The following TNS3 variants were observed in gnomAD, a reference collection of about 807,000 sequenced individuals.
TNS3 encodes the protein tensin 3.
In TNS3, 45 loss-of-function variants were observed where a neutral mutation model predicts 140.9. The observed-to-expected ratio is 0.32, with a 90% CI of 0.25 to 0.41. The LOEUF is 0.41. TNS3 is among the 10% of genes least tolerant of loss of function. The pLI is 1.00. For synonymous variants in TNS3, 815 were observed against 788.4 expected, an observed-to-expected ratio of 1.03 and a Z score of -0.56; for missense variants, 1,716 against 1,906.7, an observed-to-expected ratio of 0.90 and a Z score of 1.86.
rs142706530 is a variant in TNS3, at chr7:47,439,481, G to T, written c.150+6C>A. 6.2e-7 allele frequency: 1 copy of T among 1,613,068 alleles called. No individual in the cohort carries two copies. Among genetic ancestry groups the T allele is most frequent in the Admixed American group, 1.7e-5 (1 of 59,938 alleles). ...CCAAAGGCTCCCAGAGCCGCCCACC[G>T]CTCACCAGGTAGTTGTCCCCGTGCT... On this transcript the variant is annotated splice_donor_region_variant and intron_variant, in intron 6 of 30. Transcript: ENST00000311160.
At position 47,429,469 on chromosome 7, in the gene TNS3, G is replaced by A. The variant is rs111629466; in HGVS notation, c.325-1093C>T. Among the ~76,000 whole-genome samples the A allele has an allele frequency of 9.5e-3, 1,453 of 152,152 alleles. 11 individuals carry two copies. The highest frequency in any genetic ancestry group is 0.016 in the Non-Finnish European group (1,067 of 68,006). ...TGTAAGCTCCGCCTCCCGGGTTCAC[G>A]CCATTCTCCTGCCTCAGCCTCCCAA... is the stretch of plus-strand genomic sequence containing the variant. On this transcript the variant is annotated intron_variant, in intron 8 of 30. Transcript: ENST00000311160.
At position 47,277,782 on chromosome 7, in the gene TNS3, G is replaced by C. The variant is rs1338785786; in HGVS notation, c.*294C>G. ...ACCTCGTGTTCTGTGCTGTTTCCTT[G>C]CATGTCCCTTTCCCATGGGGACCCT... On this transcript the variant is annotated 3_prime_UTR_variant, in exon 31 of 31. Coordinates refer to ENST00000311160, the MANE Select transcript of TNS3 (RefSeq NM_022748.12). 2 of 458,842 alleles carry C rather than the reference G, an allele frequency of 4.4e-6. No individual in the cohort carries two copies. The highest frequency in any genetic ancestry group is 2.0e-5 in the South Asian group (1 of 49,670). The allele number at this position is 458,842 out of a possible 1,614,324, so 28.4% of individuals were successfully genotyped here.
At chr7:47,487,192 A>G (rs554452942) in intron 3 of TNS3, among the ~76,000 whole-genome samples, 49 of 152,164 alleles carry the variant, frequency 3.2e-4, no homozygotes, top group Admixed American at 3.0e-3. Context: ...CCAGCTACTC[A>G]GGAGGCTGAG....
intron 10 of TNS3, among the ~76,000 whole-genome samples, chr7:47,421,410 G>A (rs1794364311): frequency 6.6e-6 from 1 of 151,904 alleles, no homozygotes; most frequent in African/African-American, 2.4e-5. Flanking sequence ...TGGGACTACA[G>A]GTGTGTGCCA....
chr7:47,315,236 A>G (rs949865305), intron 20 of TNS3, among the ~76,000 whole-genome samples: 1 of 152,202 alleles, frequency 6.6e-6, no homozygotes, highest in African/African-American at 2.4e-5. Flanking sequence ...AGCAGGAGGC[A>G]TAATACCGTT....
intron 16 of TNS3, among the ~76,000 whole-genome samples, chr7:47,391,467 A>T (rs1483698313): frequency 6.6e-6 from 1 of 152,198 alleles, no homozygotes; most frequent in Non-Finnish European, 1.5e-5. Flanking sequence ...GTATCTTTAG[A>T]GTCATCCAAT....
chr7:47,565,079 T>C (rs934247949), intron 1 of TNS3, among the ~76,000 whole-genome samples: 23 of 151,248 alleles, frequency 1.5e-4, no homozygotes, highest in Admixed American at 3.3e-4. Context: ...TTTTTTTATT[T>C]CTATTTTTTT....
intron 3 of TNS3, among the ~76,000 whole-genome samples, chr7:47,497,828 C>T (rs1215108786): frequency 6.6e-6 from 1 of 152,140 alleles, no homozygotes; most frequent in Non-Finnish European, 1.5e-5. Flanking sequence ...CCTCCAGGAC[C>T]GGGCTCCCCA....
intron 4 of TNS3, among the ~76,000 whole-genome samples, chr7:47,462,913 TC>T (rs1340059073): frequency 6.6e-6 from 1 of 152,174 alleles, no homozygotes; most frequent in East Asian, 1.9e-4. Flanking sequence ...ATCTGTTCTC[TC>T]AGATAGTAAA....
At chr7:47,395,185 G>T (rs1484526471) in intron 16 of TNS3, among the ~76,000 whole-genome samples, 1 of 151,992 alleles carries the variant, frequency 6.6e-6, no homozygotes, top group Non-Finnish European at 1.5e-5. Flanking sequence ...CATGAGACTC[G>T]GCACAGCCAC....
chr7:47,376,748 C>T (rs1327114675), intron 16 of TNS3, among the ~76,000 whole-genome samples: 1 of 152,058 alleles, frequency 6.6e-6, no homozygotes, highest in African/African-American at 2.4e-5. Context: ...CACACACACA[C>T]ACACACAAAC....
chr7:47,284,853 G>A (rs1357416321), intron 27 of TNS3, among the ~76,000 whole-genome samples: 2 of 152,238 alleles, frequency 1.3e-5, no homozygotes, highest in East Asian at 1.9e-4. Flanking sequence ...TCGGATGCAC[G>A]GTACGCGCTG....
intron 3 of TNS3, among the ~76,000 whole-genome samples, chr7:47,484,872 G>C (rs991323546): frequency 1.3e-5 from 2 of 152,186 alleles, no homozygotes; most frequent in African/African-American, 4.8e-5. Context: ...CCGTGGGTCG[G>C]GGCCAACTCC....
At chr7:47,364,079 C>T (rs763891271) in intron 17 of TNS3, among the ~76,000 whole-genome samples, 20 of 152,036 alleles carry the variant, frequency 1.3e-4, no homozygotes, top group Non-Finnish European at 2.4e-4. Context: ...CACTTGTACG[C>T]GTGTCCCTGC....
chr7:47,432,344 C>T (rs1203882241), intron 8 of TNS3, among the ~76,000 whole-genome samples: 2 of 152,184 alleles, frequency 1.3e-5, no homozygotes, highest in East Asian at 3.9e-4. Flanking sequence ...TCAGCCCCCT[C>T]GCCATGTGAT....
intron 20 of TNS3, among the ~76,000 whole-genome samples, chr7:47,339,977 A>ATG (rs1788863512): frequency 6.9e-6 from 1 of 144,668 alleles, no homozygotes; most frequent in East Asian, 2.0e-4. Flanking sequence ...ATATATATAT[A>ATG]TATGTATACA....
At chr7:47,435,968 C>A (rs1452743168) in intron 7 of TNS3, among the ~76,000 whole-genome samples, 1 of 152,214 alleles carries the variant, frequency 6.6e-6, no homozygotes, top group Admixed American at 6.5e-5. Flanking sequence ...CAGCTCTGAG[C>A]GTCCTGAGGC....
At chr7:47,365,089 C>A (rs1010854284) in intron 17 of TNS3, among the ~76,000 whole-genome samples, 1 of 152,292 alleles carries the variant, frequency 6.6e-6, no homozygotes, top group Admixed American at 6.5e-5. Context: ...CCTTAGACTT[C>A]AAAATGATAA....
chr7:47,346,942 C>A (rs1416849451), intron 17 of TNS3, among the ~76,000 whole-genome samples: 1 of 152,234 alleles, frequency 6.6e-6, no homozygotes, highest in East Asian at 1.9e-4. Context: ...ATTCCTGACA[C>A]AGATCCCTGG....
Sources: gnomAD v4.1 joint callset for allele counts (sites outside exome capture counted in the v4.1 genomes callset) on GRCh38, gnomAD v4.1.1 for gene constraint, MANE v1.5 for transcripts, NCBI Gene and HGNC (gene_info 2026-07-23, HGNC 2026-07-21) for gene names.